The following RHOBTB3 variants were observed in gnomAD, a reference collection of about 807,000 sequenced individuals.
RHOBTB3 encodes rho-related BTB domain-containing protein 3.
A neutral mutation model predicts 67.2 loss-of-function variants in RHOBTB3; 47 were observed. The ratio of observed to expected loss-of-function variants is 0.70; its 90% CI spans 0.55 to 0.89. The LOEUF is 0.89. Among genes scored for constraint, RHOBTB3 ranks in the 40% least tolerant of loss-of-function variants. RHOBTB3 has a pLI of 0.00. For synonymous variants in RHOBTB3, 273 were observed against 274.2 expected (o/e 1.00, Z 0.04); for missense variants, 631 against 750.0 (o/e 0.84, Z 1.85).
intron 8 of RHOBTB3, among the ~76,000 whole-genome samples, chr5:95,775,789 T>A (rs1745856010): frequency 6.6e-6 from 1 of 152,082 alleles, no homozygotes; most frequent in Non-Finnish European, 1.5e-5. Flanking sequence ...TTTAAATGTT[T>A]TACACCAAAC....
At chr5:95,783,766 C>A (rs201716512) in intron 9 of RHOBTB3, 31 bp from the exon 10 acceptor site, 2 of 1,570,910 alleles carry the variant, frequency 1.3e-6, no homozygotes, top group Non-Finnish European at 1.7e-6. Context: ...GTTTCATCAT[C>A]CACTTTCTCT....
intron 3 of RHOBTB3, among the ~76,000 whole-genome samples, chr5:95,741,348 A>G (rs1480550719): frequency 6.6e-6 from 1 of 151,374 alleles, no homozygotes; most frequent in Admixed American, 6.6e-5. Context: ...AAGAAAAGAA[A>G]AAAAAAAGAG....
At position 95,795,429 on chromosome 5, in the gene RHOBTB3, A is replaced by C. The variant is rs550119412; in HGVS notation, c.*2255A>C. On this transcript the variant is annotated 3_prime_UTR_variant, in exon 12 of 12. Transcript: ENST00000379982. ...ATTACAGCATTTAAAGTTCAAAATC[A>C]GTAACTTTTAATCTAGGAAATTGAA... The C allele has an allele frequency of 2.0e-5, 3 of 152,248 alleles. No individual in the cohort carries two copies. Among genetic ancestry groups the C allele is most frequent in the African/African-American group, 7.2e-5 (3 of 41,462 alleles). The allele number at this position is 152,248 out of a possible 1,614,324, so 9.4% of individuals were successfully genotyped here.
At chr5:95,767,119 G>A (rs757661993) in intron 7 of RHOBTB3, among the ~76,000 whole-genome samples, 8 of 152,056 alleles carry the variant, frequency 5.3e-5, no homozygotes, top group Admixed American at 6.5e-5. Flanking sequence ...GCTGAGGCAC[G>A]AGAAGCACTT....
chr5:95,765,077 C>T (rs990027463), intron 7 of RHOBTB3, among the ~76,000 whole-genome samples: 8 of 152,160 alleles, frequency 5.3e-5, no homozygotes, highest in East Asian at 3.9e-4. Flanking sequence ...ATGTACATCA[C>T]GTACATTTGT....
At chr5:95,736,565 T>C (rs1755458973) in intron 2 of RHOBTB3, among the ~76,000 whole-genome samples, 1 of 152,230 alleles carries the variant, frequency 6.6e-6, no homozygotes, top group African/African-American at 2.4e-5. Context: ...GTTACACTTT[T>C]GAATTTATGA....
At chr5:95,768,300 C>T (rs1236141652) in intron 8 of RHOBTB3, 134 bp downstream of exon 8, 1 of 661,908 alleles carries the variant, frequency 1.5e-6, no homozygotes, top group African/African-American at 1.8e-5. Context: ...TTAATACTAC[C>T]TTAATGTCAA....
intron 10 of RHOBTB3, among the ~76,000 whole-genome samples, chr5:95,785,643 A>G (rs377620783): frequency 2.0e-5 from 3 of 152,084 alleles, no homozygotes; most frequent in South Asian, 4.1e-4. Context: ...TAAAACGTTT[A>G]CATTCATCTC....
intron 11 of RHOBTB3, among the ~76,000 whole-genome samples, chr5:95,791,333 C>T (rs185080782): frequency 1.9e-3 from 287 of 152,248 alleles, no homozygotes; most frequent in African/African-American, 6.4e-3. Flanking sequence ...AACAGCGGTG[C>T]ACAGGAATAT....
rs558534712 is a variant in RHOBTB3 at position 95,765,566 on chromosome 5, A to T, written c.1161+1946A>T. Among the ~76,000 whole-genome samples the T allele has an allele frequency of 3.9e-5, 6 of 152,332 alleles. No individual in the cohort carries two copies. In the East Asian group the frequency reaches 1.2e-3, roughly 29 times the overall value. On this transcript the variant is annotated intron_variant, in intron 7 of 11. Coordinates refer to ENST00000379982, the MANE Select transcript of RHOBTB3 (RefSeq NM_014899.4). ...TACAATTGTGAATCTGCCACAAATCATCTCTGTGGCTTTGAGCAAGTCAGG... is the reference window on the plus strand; with the variant it reads ...TACAATTGTGAATCTGCCACAAATCTTCTCTGTGGCTTTGAGCAAGTCAGG...
At chr5:95,761,666 C>T (rs566135199) in intron 6 of RHOBTB3, among the ~76,000 whole-genome samples, 1 of 152,280 alleles carries the variant, frequency 6.6e-6, no homozygotes, top group East Asian at 1.9e-4. Flanking sequence ...ATGCCAGGGG[C>T]TTCAGGCCCA....
upstream of RHOBTB3, among the ~76,000 whole-genome samples, chr5:95,730,501 T>C (rs145876557): frequency 1.6e-4 from 25 of 152,322 alleles, no homozygotes; most frequent in African/African-American, 5.5e-4. Context: ...AGTGCATTAT[T>C]ATGAAAGAAT....
At chr5:95,790,091 G>C (rs1253432037) in intron 11 of RHOBTB3, among the ~76,000 whole-genome samples, 2 of 152,234 alleles carry the variant, frequency 1.3e-5, no homozygotes, top group Admixed American at 6.5e-5. Context: ...TATTCAGCCA[G>C]TCAACAAACA....
intron 6 of RHOBTB3, among the ~76,000 whole-genome samples, chr5:95,760,398 A>G (rs547845249): frequency 2.0e-5 from 3 of 152,328 alleles, no homozygotes; most frequent in African/African-American, 7.2e-5. Flanking sequence ...ATGGTTAGGA[A>G]GTGAAGTATT....
rs1036934314 is a variant in RHOBTB3 at position 95,795,419 on chromosome 5, G to A, written c.*2245G>A. On this transcript the variant is annotated 3_prime_UTR_variant, in exon 12 of 12. Transcript: ENST00000379982. Reference sequence around the variant, plus strand: ...CCCTATATGAATTACAGCATTTAAAGTTCAAAATCAGTAACTTTTAATCTA... The same window carrying A: ...CCCTATATGAATTACAGCATTTAAAATTCAAAATCAGTAACTTTTAATCTA... The A allele has an allele frequency of 3.3e-5, 5 of 152,100 alleles. No individual in the cohort carries two copies. The highest frequency in any genetic ancestry group is 9.7e-5 in the African/African-American group (4 of 41,416). The allele number at this position is 152,100 out of a possible 1,614,324, so 9.4% of individuals were successfully genotyped here.
chr5:95,731,778 TC>T lies in RHOBTB3; in HGVS notation c.3-76del, dbSNP rs1755269918. On this transcript the variant is annotated intron_variant, in intron 1 of 11. Transcript: ENST00000379982. ...TGGTGCCCATCCTCGCCGCGCGCTG[TC>T]CCCCGCACTTCCTGTTCCGAGGAGA... 13 of 1,603,310 alleles carry T rather than the reference TC, an allele frequency of 8.1e-6. No homozygotes were observed. The Middle Eastern group carries it at 1.5e-3, about 184-fold the overall frequency.
At chr5:95,751,896 A>G (rs1396256259) in intron 4 of RHOBTB3, among the ~76,000 whole-genome samples, 1 of 152,168 alleles carries the variant, frequency 6.6e-6, no homozygotes, top group Non-Finnish European at 1.5e-5. Flanking sequence ...ATAGTATTCC[A>G]TCGTGTATAT....
chr5:95,777,525 T>G (rs1352660767), intron 8 of RHOBTB3, among the ~76,000 whole-genome samples: 1 of 152,222 alleles, frequency 6.6e-6, no homozygotes, highest in Non-Finnish European at 1.5e-5. Context: ...GGAACATGAT[T>G]ATCTTTTAAC....
At chr5:95,767,661 AG>A (rs1745588064) in intron 7 of RHOBTB3, 1 of 569,696 alleles carries the variant, frequency 1.8e-6, no homozygotes. Flanking sequence ...TTACAAATCA[AG>A]GACTGTCTTA....
Sources: gnomAD v4.1 joint callset for allele counts (sites outside exome capture counted in the v4.1 genomes callset) on GRCh38, gnomAD v4.1.1 for gene constraint, MANE v1.5 for transcripts, NCBI Gene and HGNC (gene_info 2026-07-23, HGNC 2026-07-21) for gene names.